Variants in SLC25A26 observed in about 807,000 individuals in gnomAD.
SLC25A26 encodes mitochondrial S-adenosylmethionine carrier protein.
SLC25A26 carries 36 observed loss-of-function variants against 37.8 expected under a neutral mutation model. The ratio of observed to expected loss-of-function variants is 0.95; its 90% CI spans 0.73 to 1.26. The LOEUF is 1.26. Among genes scored for constraint, SLC25A26 ranks in the 50% most tolerant of loss-of-function variants. The pLI is 0.00. For synonymous variants in SLC25A26, 129 were observed against 122.5 expected, an observed-to-expected ratio of 1.05 and a Z score of -0.35; for missense variants, 390 against 331.1, an observed-to-expected ratio of 1.18 and a Z score of -1.38.
chr3:66,359,197 C>G (rs1045296416), intron 6 of SLC25A26, among the ~76,000 whole-genome samples: 4 of 152,118 alleles, frequency 2.6e-5, no homozygotes, highest in African/African-American at 9.7e-5. Context: ...TTTTTCGCCC[C>G]CTGGCAACCA....
At chr3:66,147,960 T>C (rs1170534926) in intron 1 of SLC25A26, among the ~76,000 whole-genome samples, 1 of 152,076 alleles carries the variant, frequency 6.6e-6, no homozygotes, top group African/African-American at 2.4e-5. Flanking sequence ...GGTTTCACCC[T>C]GTCGGCCAGG....
intron 3 of SLC25A26, among the ~76,000 whole-genome samples, chr3:66,243,844 C>T (rs998329727): frequency 7.9e-5 from 12 of 152,220 alleles, no homozygotes; most frequent in African/African-American, 2.9e-4. Flanking sequence ...GCTTCCAGCT[C>T]CTCCAGCTCC....
rs146133498 is a variant in SLC25A26 at position 66,311,888 on chromosome 3, C to G, written c.454-34476C>G. ...AGCTTTGTCCCAGAGGGGCACATAC[C>G]AGATGCCAGCTGGAGCTCTTTTTTA... On this transcript the variant is annotated intron_variant, in intron 5 of 9. Transcript: ENST00000354883. Among the ~76,000 whole-genome samples, 728 of 152,214 alleles carry G rather than the reference C, an allele frequency of 4.8e-3. 11 individuals are homozygous for G. Among genetic ancestry groups the G allele is most frequent in the African/African-American group, 0.013 (532 of 41,520 alleles).
intron 5 of SLC25A26, among the ~76,000 whole-genome samples, chr3:66,330,022 T>G (rs1161139246): frequency 6.6e-6 from 1 of 152,196 alleles, no homozygotes; most frequent in Non-Finnish European, 1.5e-5. Context: ...CTAGGGGCTT[T>G]GATTCATTAG....
At position 66,261,724 on chromosome 3, in the gene SLC25A26, C is replaced by T. The variant is rs554821799; in HGVS notation, c.301-327C>T. Reference sequence around the variant, plus strand: ...TCACACATGTTTGAAATGTCATGTGCCAGTTGCAGTTCTGGGCGTTGGGGA... The same window carrying T: ...TCACACATGTTTGAAATGTCATGTGTCAGTTGCAGTTCTGGGCGTTGGGGA... On this transcript the variant is annotated intron_variant, in intron 3 of 9. Coordinates refer to ENST00000354883, the MANE Select transcript of SLC25A26 (RefSeq NM_001379210.1). The T allele has an allele frequency of 1.5e-4, 29 of 198,236 alleles. 1 individual carries two copies. In the South Asian group the frequency reaches 2.8e-3, roughly 19 times the overall value. The allele number at this position is 198,236 out of a possible 1,614,324, so 12.3% of individuals were successfully genotyped here.
chr3:66,313,530 G>A (rs1341559896), intron 5 of SLC25A26, among the ~76,000 whole-genome samples: 1 of 152,152 alleles, frequency 6.6e-6, no homozygotes, highest in Non-Finnish European at 1.5e-5. Flanking sequence ...TAGCCTTGCG[G>A]TATATTTTGA....
chr3:66,261,274 C>T (rs1209423684), intron 3 of SLC25A26, among the ~76,000 whole-genome samples: 1 of 152,264 alleles, frequency 6.6e-6, no homozygotes, highest in Non-Finnish European at 1.5e-5. Context: ...ATCTCCCTCC[C>T]TGTACCTTGC....
intron 5 of SLC25A26, among the ~76,000 whole-genome samples, chr3:66,333,520 C>T (rs1297515012): frequency 6.6e-6 from 1 of 152,084 alleles, no homozygotes; most frequent in Non-Finnish European, 1.5e-5. Context: ...TTAATTTTTC[C>T]GACTCATACT....
intron 7 of SLC25A26, among the ~76,000 whole-genome samples, chr3:66,363,868 A>G (rs1163265336): frequency 6.6e-5 from 10 of 152,328 alleles, no homozygotes; most frequent in Admixed American, 6.5e-4. Context: ...AACAATAAGA[A>G]TTTTGCCTGT....
In SLC25A26 at chr3:66,167,869, T is replaced by C. The variant is rs958670588; in HGVS notation, c.-354+33885T>C. Reference sequence around the variant, plus strand: ...ATATGGGTTAAAAATATATAGCTACTCTGGCTGGGTGCAGTGGCTCATGCC... The same window carrying C: ...ATATGGGTTAAAAATATATAGCTACCCTGGCTGGGTGCAGTGGCTCATGCC... On this transcript the variant is annotated intron_variant, in intron 1 of 10. Transcript: ENST00000676754. Among the ~76,000 whole-genome samples, 6 of 152,086 alleles carry C rather than the reference T, an allele frequency of 3.9e-5. No individual in the cohort carries two copies. The East Asian group carries it at 1.2e-3, about 29-fold the overall frequency.
At chr3:66,314,851 G>A (rs1348689324) in intron 5 of SLC25A26, among the ~76,000 whole-genome samples, 1 of 151,664 alleles carries the variant, frequency 6.6e-6, no homozygotes, top group Non-Finnish European at 1.5e-5. Context: ...TTCATTCTTG[G>A]GAGGGTTTAT....
intron 5 of SLC25A26, among the ~76,000 whole-genome samples, chr3:66,296,744 A>G (rs982712450): frequency 2.0e-5 from 3 of 152,250 alleles, no homozygotes; most frequent in Admixed American, 6.5e-5. Context: ...CTTAAGTTTC[A>G]TAGTTTACTA....
At chr3:66,219,569 A>G (rs2071414564), upstream of SLC25A26, among the ~76,000 whole-genome samples, 1 of 152,156 alleles carries the variant, frequency 6.6e-6, no homozygotes, top group Admixed American at 6.5e-5. Context: ...CAGCTTAGGG[A>G]AAGGTATTCT....
At chr3:66,201,336 G>A (rs2071106331) in intron 1 of SLC25A26, among the ~76,000 whole-genome samples, 3 of 151,718 alleles carry the variant, frequency 2.0e-5, no homozygotes, top group Non-Finnish European at 4.4e-5. Flanking sequence ...ATACATATGT[G>A]TGTATATATA....
Position 66,245,268 on chromosome 3 carries a change from C to A in SLC25A26, c.300+1956C>A, listed in dbSNP as rs200829724. On this transcript the variant is annotated intron_variant, in intron 3 of 9. Transcript: ENST00000354883. ...TTATGATTAAAAAAAAAAAAAAAAA[C>A]AAAACCTCAAAACTAATGCAGAGGA... is the stretch of plus-strand genomic sequence containing the variant. Among the ~76,000 whole-genome samples, 743 of 121,830 alleles carry A rather than the reference C, an allele frequency of 6.1e-3. 2 individuals are homozygous for A. Among genetic ancestry groups the A allele is most frequent in the Non-Finnish European group, 0.01 (554 of 54,514 alleles). The allele number at this position is 121,830 out of a possible 152,430, so 79.9% of individuals were successfully genotyped here.
At chr3:66,268,948 C>T (rs1221482711) in intron 5 of SLC25A26, among the ~76,000 whole-genome samples, 1 of 152,224 alleles carries the variant, frequency 6.6e-6, no homozygotes, top group Non-Finnish European at 1.5e-5. Context: ...CCCAGCCATG[C>T]AAACTGTGAG....
At chr3:66,185,135 C>G (rs2070801091) in intron 1 of SLC25A26, among the ~76,000 whole-genome samples, 1 of 152,132 alleles carries the variant, frequency 6.6e-6, no homozygotes, top group Non-Finnish European at 1.5e-5. Flanking sequence ...TTTCCCAGAC[C>G]CTGGCAACCA....
At chr3:66,158,524 T>G (rs1288675080) in intron 1 of SLC25A26, among the ~76,000 whole-genome samples, 1 of 152,180 alleles carries the variant, frequency 6.6e-6, no homozygotes, top group Non-Finnish European at 1.5e-5. Context: ...TTTGAGAAAC[T>G]GCCAACCTGT....
intron 5 of SLC25A26, among the ~76,000 whole-genome samples, chr3:66,340,975 C>T (rs1420918227): frequency 6.6e-6 from 1 of 151,702 alleles, no homozygotes; most frequent in Non-Finnish European, 1.5e-5. Context: ...GTGTTGATTC[C>T]TTAAGATTCT....
Sources: allele counts gnomAD v4.1 joint callset (sites outside exome capture counted in the v4.1 genomes callset), GRCh38; gene constraint gnomAD v4.1.1; transcripts MANE v1.5; gene names NCBI Gene and HGNC (gene_info 2026-07-23, HGNC 2026-07-21).